SLC9B2: variants seen among roughly 807,000 people sequenced by gnomAD.
SLC9B2 encodes the protein sodium/hydrogen exchanger 9B2.
Under a neutral mutation model 52.2 loss-of-function variants are expected in SLC9B2, and 39 were observed. That is an observed-to-expected ratio of 0.75 (90% CI 0.58 to 0.98). SLC9B2 has a LOEUF of 0.98. Among genes scored for constraint, SLC9B2 ranks in the 50% least tolerant of loss-of-function variants. The pLI, the probability that SLC9B2 is intolerant of heterozygous loss-of-function variation, is 0.00. For synonymous variants in SLC9B2, 214 were observed against 227.0 expected (o/e 0.94, Z 0.51); for missense variants, 626 against 637.5 (o/e 0.98, Z 0.19).
At chr4:103,048,644 T>C in intron 6 of SLC9B2, 1 of 350,396 alleles carries the variant, frequency 2.9e-6, no homozygotes, top group South Asian at 3.4e-5. Flanking sequence ...TTAACAGGCA[T>C]TGAATCAGGT....
chr4:103,056,466 T>A (rs1449329588), intron 4 of SLC9B2, among the ~76,000 whole-genome samples: 1 of 152,116 alleles, frequency 6.6e-6, no homozygotes, highest in Non-Finnish European at 1.5e-5. Context: ...CAGGCTGATC[T>A]TGAACTCCTG....
In SLC9B2 at chr4:103,048,981, T is replaced by A. The variant is rs766216843; in HGVS notation, c.625A>T (p.Met209Leu). ...KLKGVCVRLS[M>L]GPCIVEACTS... is the part of the protein sequence containing the mutation. ...CACGCCTCCACAATACAGGGACCCA[T>A]GGACAGTCTTACACAAACGCCCTTT... The change falls in exon 6 of 12, where the codon ATG (methionine) becomes TTG (leucine). Residue 209 changes from methionine (M) to leucine (L), a missense_variant. By Grantham distance (15) the Met-to-Leu change is conservative (BLOSUM62 2). Coordinates refer to ENST00000394785, the MANE Select transcript of SLC9B2 (RefSeq NM_178833.7). 1 of 1,613,944 alleles carries A rather than the reference T, an allele frequency of 6.2e-7. No individual in the cohort carries two copies. Among genetic ancestry groups the A allele is most frequent in the Middle Eastern group, 1.6e-4 (1 of 6,062 alleles).
At chr4:103,053,938 C>G (rs1438392882) in intron 4 of SLC9B2, among the ~76,000 whole-genome samples, 1 of 151,998 alleles carries the variant, frequency 6.6e-6, no homozygotes, top group East Asian at 1.9e-4. Flanking sequence ...CTCCTGACCT[C>G]GTGATCTGCC....
chr4:103,064,302 T>C (rs1745911620), intron 3 of SLC9B2, among the ~76,000 whole-genome samples: 2 of 152,220 alleles, frequency 1.3e-5, no homozygotes, highest in Admixed American at 6.5e-5. Context: ...CACAATGATA[T>C]GCTTTTCAGC....
At chr4:103,046,527 T>C (rs951455941) in intron 7 of SLC9B2, among the ~76,000 whole-genome samples, 2 of 152,210 alleles carry the variant, frequency 1.3e-5, no homozygotes, top group Non-Finnish European at 2.9e-5. Context: ...ATTAAAATCA[T>C]TGCTGTTATT....
chr4:103,071,276 T>C (rs926605268), intron 1 of SLC9B2, among the ~76,000 whole-genome samples: 4 of 152,016 alleles, frequency 2.6e-5, no homozygotes. Flanking sequence ...TGATCTTGGC[T>C]CACTGCAACC....
At chr4:103,048,714 T>C (rs1744392045) in intron 6 of SLC9B2, 179 bp downstream of exon 6, 2 of 733,796 alleles carry the variant, frequency 2.7e-6, no homozygotes. Context: ...CTGTAAGAGT[T>C]AGCGCCTATT....
rs1742076085 is a variant in SLC9B2 at position 103,024,952 on chromosome 4, T to C, written c.*1418A>G. On this transcript the variant is annotated 3_prime_UTR_variant, in exon 12 of 12. Coordinates refer to ENST00000394785, the MANE Select transcript of SLC9B2 (RefSeq NM_178833.7). ...CCTGCCATAGAAGTCACTCTTTTGG[T>C]TTAAGGCAATGTCTTTCAAAAGCTT... 6.6e-6 allele frequency among the ~76,000 whole-genome samples: 1 copy of C among 152,192 alleles called. No individual in the cohort carries two copies. The highest frequency in any genetic ancestry group is 6.5e-5 in the Admixed American group (1 of 15,276).
intron 3 of SLC9B2, among the ~76,000 whole-genome samples, chr4:103,063,064 C>T (rs546022869): frequency 1.3e-5 from 2 of 152,092 alleles, no homozygotes; most frequent in African/African-American, 2.4e-5. Context: ...GCTTTATGAA[C>T]GATTATACAT....
downstream of SLC9B2, chr4:103,019,813 G>C (rs181235807): frequency 1.5e-5 from 15 of 985,608 alleles, no homozygotes; most frequent in East Asian, 1.6e-3. Flanking sequence ...GGGGTTTCTG[G>C]GACTGTCTGG....
rs1347541519 is a variant in SLC9B2, at chr4:103,025,725, G to C, written c.*645C>G. 2.0e-5 allele frequency: 3 copies of C among 152,222 alleles called. No individual in the cohort carries two copies. The highest frequency in any genetic ancestry group is 2.9e-5 in the Non-Finnish European group (2 of 68,150). The allele number at this position is 152,222 out of a possible 1,614,324, so 9.4% of individuals were successfully genotyped here. A position where few individuals can be genotyped will look rare whatever the true frequency, so the allele number is the denominator to read the frequency against. On this transcript the variant is annotated 3_prime_UTR_variant, in exon 12 of 12. Coordinates refer to ENST00000394785, the MANE Select transcript of SLC9B2 (RefSeq NM_178833.7). ...ACTCACATGGGCCACTGAAATAAAGGAACCTGGGTGGTCAGCTAGGGGGCA... is the reference window on the plus strand; with the variant it reads ...ACTCACATGGGCCACTGAAATAAAGCAACCTGGGTGGTCAGCTAGGGGGCA...
downstream of SLC9B2, chr4:103,019,723 C>T (rs1741655652): frequency 2.0e-6 from 2 of 985,434 alleles, no homozygotes; most frequent in South Asian, 4.7e-5. Context: ...GACTTCCGCG[C>T]AGGGGCGGGG....
chr4:103,041,422 T>C (rs1743629490), intron 9 of SLC9B2, among the ~76,000 whole-genome samples: 2 of 152,182 alleles, frequency 1.3e-5, no homozygotes, highest in African/African-American at 4.8e-5. Context: ...TTTATAAGAA[T>C]CATTTATAGA....
Position 103,044,880 on chromosome 4 carries a change from T to C in SLC9B2, c.996+10A>G. On this transcript the variant is annotated intron_variant, in intron 8 of 11. Coordinates refer to ENST00000394785, the MANE Select transcript of SLC9B2 (RefSeq NM_178833.7). ...CAGAGCACAACTTTCCCACATATTA[T>C]TTCTTTCACCTGGTCACGGCTTGGA... The C allele has an allele frequency of 6.2e-7, 1 of 1,601,802 alleles. No homozygotes were observed. Among genetic ancestry groups the C allele is most frequent in the Non-Finnish European group, 8.6e-7 (1 of 1,169,254 alleles).
At chr4:103,069,768 C>T (rs1560562350) in intron 1 of SLC9B2, among the ~76,000 whole-genome samples, 1 of 152,172 alleles carries the variant, frequency 6.6e-6, no homozygotes, top group Non-Finnish European at 1.5e-5. Context: ...TTTGGCAGTA[C>T]CACTAGAATT....
At chr4:103,046,374 G>C (rs1744122500) in intron 7 of SLC9B2, among the ~76,000 whole-genome samples, 1 of 152,172 alleles carries the variant, frequency 6.6e-6, no homozygotes, top group African/African-American at 2.4e-5. Flanking sequence ...TTTTGGCTAA[G>C]ATCAAGCGTA....
chr4:103,028,637 C>A, intron 11 of SLC9B2, 110 bp downstream of exon 11: 3 of 1,298,530 alleles, frequency 2.3e-6, no homozygotes, highest in Non-Finnish European at 3.2e-6. Flanking sequence ...TTTCATAAAT[C>A]CACTTCAATT....
At chr4:103,018,189 C>T (rs1741498814), downstream of SLC9B2, among the ~76,000 whole-genome samples, 1 of 152,130 alleles carries the variant, frequency 6.6e-6, no homozygotes, top group Non-Finnish European at 1.5e-5. Context: ...ATGAGAAGTA[C>T]TATAAAAACG....
At position 103,024,830 on chromosome 4, in the gene SLC9B2, A is replaced by C. The variant is rs1742066618; in HGVS notation, c.*1540T>G. Among the ~76,000 whole-genome samples, 1 of 152,258 alleles carries C rather than the reference A, an allele frequency of 6.6e-6. No individual in the cohort carries two copies. The highest frequency in any genetic ancestry group is 1.5e-5 in the Non-Finnish European group (1 of 68,038). ...GAACTTATGAGTGATACACAAAAGC[A>C]GAGATGGCCTGTTACAAAGTAGGAT... On this transcript the variant is annotated 3_prime_UTR_variant, in exon 12 of 12. Transcript: ENST00000394785.
Sources: allele counts gnomAD v4.1 joint callset (sites outside exome capture counted in the v4.1 genomes callset), GRCh38; gene constraint gnomAD v4.1.1; transcripts MANE v1.5; gene names NCBI Gene and HGNC (gene_info 2026-07-23, HGNC 2026-07-21).